The following SVEP1 variants were observed in gnomAD, a reference collection of about 807,000 sequenced individuals.
SVEP1 encodes the protein sushi, von Willebrand factor type A, EGF and pentraxin domain containing 1, also known as sushi, von Willebrand factor type A, EGF and pentraxin domain-containing protein 1.
In SVEP1, 164 loss-of-function variants were observed where a neutral mutation model predicts 367.3. The ratio of observed to expected loss-of-function variants is 0.45; its 90% CI spans 0.39 to 0.51. The LOEUF (loss-of-function observed/expected upper bound fraction) is 0.51. Ranked by LOEUF, SVEP1 falls within the 20% of genes least tolerant of loss-of-function variation. The pLI, the probability that SVEP1 is intolerant of heterozygous loss-of-function variation, is 0.00. For missense variants in SVEP1, 4,117 were observed against 4,425.3 expected (o/e 0.93, Z 1.98); for synonymous variants, 1,666 against 1,611.6 (o/e 1.03, Z -0.81).
chr9:110,461,144 A>C (rs1343265066), intron 18 of SVEP1, among the ~76,000 whole-genome samples: 2 of 152,158 alleles, frequency 1.3e-5, no homozygotes, highest in East Asian at 1.9e-4. Context: ...TAACGAGTGG[A>C]ATATTAACAA....
At chr9:110,410,603 G>A (rs548804728) in intron 37 of SVEP1, among the ~76,000 whole-genome samples, 1 of 152,300 alleles carries the variant, frequency 6.6e-6, no homozygotes, top group South Asian at 2.1e-4. Context: ...TTGCCACAAA[G>A]CACTTGAAAT....
chr9:110,529,477 T>G (rs1185645053), intron 3 of SVEP1, among the ~76,000 whole-genome samples: 1 of 152,162 alleles, frequency 6.6e-6, no homozygotes, highest in African/African-American at 2.4e-5. Flanking sequence ...CTTATATTGA[T>G]TCTTCCAATT....
At chr9:110,563,379 C>T (rs1564177428) in intron 1 of SVEP1, among the ~76,000 whole-genome samples, 1 of 151,788 alleles carries the variant, frequency 6.6e-6, no homozygotes, top group Non-Finnish European at 1.5e-5. Flanking sequence ...TTTATCTAAG[C>T]TATTAATTTG....
chr9:110,517,281 C>T (rs1165523033), intron 3 of SVEP1, among the ~76,000 whole-genome samples: 3 of 151,888 alleles, frequency 2.0e-5, no homozygotes, highest in African/African-American at 4.8e-5. Flanking sequence ...GGCAACATAG[C>T]TACACCCATC....
chr9:110,394,800 G>GA (rs1229060967), intron 40 of SVEP1, among the ~76,000 whole-genome samples: 2 of 152,058 alleles, frequency 1.3e-5, no homozygotes, highest in African/African-American at 4.8e-5. Flanking sequence ...GAAGTTTAGA[G>GA]AAAAAAGAAT....
At chr9:110,386,190 G>T in intron 42 of SVEP1, 116 bp from the exon 43 acceptor site, 2 of 1,134,466 alleles carry the variant, frequency 1.8e-6, no homozygotes, top group Non-Finnish European at 2.4e-6. Context: ...ATCATATAAG[G>T]TTTAAAAATA....
At position 110,471,348 on chromosome 9, in the gene SVEP1, C is replaced by T. The variant is rs373461136; in HGVS notation, c.2998+16G>A. ...AGTATGCACCAAATATTTTTGATCA[C>T]AGGGAACAGTCTTACCACACATACG... is the stretch of plus-strand genomic sequence containing the variant. On this transcript the variant is annotated intron_variant, in intron 16 of 47. Transcript: ENST00000374469. The T allele has an allele frequency of 6.8e-6, 11 of 1,607,140 alleles. No homozygotes were observed. Among genetic ancestry groups the T allele is most frequent in the Non-Finnish European group, 9.4e-6 (11 of 1,175,358 alleles).
At chr9:110,536,104 T>C (rs1830075729) in intron 3 of SVEP1, among the ~76,000 whole-genome samples, 1 of 152,130 alleles carries the variant, frequency 6.6e-6, no homozygotes, top group Non-Finnish European at 1.5e-5. Context: ...CAGATGGCTC[T>C]TATTAGTTTG....
intron 1 of SVEP1, among the ~76,000 whole-genome samples, chr9:110,569,246 C>A (rs535994381): frequency 6.6e-6 from 1 of 151,970 alleles, no homozygotes; most frequent in Non-Finnish European, 1.5e-5. Context: ...CACCTGAGGT[C>A]GGGAGTTTGA....
At chr9:110,559,408 T>C (rs1251381982) in intron 1 of SVEP1, among the ~76,000 whole-genome samples, 1 of 152,090 alleles carries the variant, frequency 6.6e-6, no homozygotes, top group Non-Finnish European at 1.5e-5. Context: ...CAGTTGAGCA[T>C]TTTTGACCAA....
intron 18 of SVEP1, among the ~76,000 whole-genome samples, chr9:110,460,589 C>A (rs1305450359): frequency 1.3e-5 from 2 of 152,086 alleles, no homozygotes; most frequent in Non-Finnish European, 2.9e-5. Context: ...ACCGTCTCTA[C>A]TAAAAGTACA....
At chr9:110,397,338 G>A (rs367995293) in intron 40 of SVEP1, among the ~76,000 whole-genome samples, 9 of 152,314 alleles carry the variant, frequency 5.9e-5, no homozygotes, top group East Asian at 3.9e-4. Context: ...TTGATGGGAC[G>A]TATCTCAAAA....
intron 47 of SVEP1, among the ~76,000 whole-genome samples, chr9:110,367,708 C>CA (rs1396825823): frequency 6.6e-6 from 1 of 152,092 alleles, no homozygotes; most frequent in Non-Finnish European, 1.5e-5. Context: ...CTGGACCAAT[C>CA]AGAGTCCTGG....
intron 37 of SVEP1, 132 bp downstream of exon 37, chr9:110,410,931 G>A (rs1001510423): frequency 1.5e-6 from 1 of 676,996 alleles, no homozygotes; most frequent in Non-Finnish European, 2.4e-6. Context: ...CTTTGTTAGT[G>A]ATAATAGTAA....
intron 8 of SVEP1, among the ~76,000 whole-genome samples, chr9:110,493,745 T>C (rs79038826): frequency 0.086 from 12,988 of 151,588 alleles, 877 homozygotes; most frequent in African/African-American, 0.19. Flanking sequence ...AAACAAACAA[T>C]CAAAAAGCAA....
In SVEP1 at chr9:110,407,464, G is replaced by A. The variant is rs757716419; in HGVS notation, c.8136C>T (p.Cys2712=). Residue 2712 remains cysteine, a synonymous_variant, in exon 38 of 48, where the codon TGC becomes TGT. Transcript: ENST00000374469. The part of the protein sequence containing the change: ...DGTWNGSAPS[C]ISIECDLPTA... Reference sequence around the variant, plus strand: ...TAGGCAAGTCACATTCAATTGAAATGCAGGATGGTGCACTGCCATTCCAAG... The same window carrying A: ...TAGGCAAGTCACATTCAATTGAAATACAGGATGGTGCACTGCCATTCCAAG... 2.2e-5 allele frequency: 36 copies of A among 1,614,036 alleles called. No individual in the cohort carries two copies. The highest frequency in any genetic ancestry group is 3.1e-5 in the Non-Finnish European group (36 of 1,179,910).
intron 22 of SVEP1, among the ~76,000 whole-genome samples, chr9:110,455,384 A>G (rs527399404): frequency 6.6e-6 from 1 of 152,362 alleles, no homozygotes; most frequent in African/African-American, 2.4e-5. Flanking sequence ...ACATACTGCC[A>G]TATTGATATC....
Position 110,450,052 on chromosome 9 carries a change from C to A in SVEP1, c.4103+7G>T. On this transcript the variant is annotated splice_region_variant and intron_variant, in intron 24 of 47. Transcript: ENST00000374469. ...AACAGTGAAAAGAATCAGACTTAGC[C>A]TTTTACCTGAAGCTATTGGCACCGT... The A allele has an allele frequency of 6.2e-7, 1 of 1,613,682 alleles. No individual in the cohort carries two copies. Among genetic ancestry groups the A allele is most frequent in the Non-Finnish European group, 8.5e-7 (1 of 1,179,718 alleles).
In SVEP1 at chr9:110,561,507, T is replaced by C. The variant is rs188614407; in HGVS notation, c.532-11403A>G. ...ATTGCCTTAATTTGTACTAGCTATA[T>C]GTCCACCATGCAGAATAAACTAATA... On this transcript the variant is annotated intron_variant, in intron 1 of 47. Coordinates refer to ENST00000374469, the MANE Select transcript of SVEP1 (RefSeq NM_153366.4). 7.9e-5 allele frequency among the ~76,000 whole-genome samples: 12 copies of C among 152,322 alleles called. No homozygotes were observed. In the East Asian group the frequency reaches 2.3e-3, roughly 29 times the overall value.
Sources: gnomAD v4.1 joint callset for allele counts (sites outside exome capture counted in the v4.1 genomes callset) on GRCh38, gnomAD v4.1.1 for gene constraint, MANE v1.5 for transcripts, NCBI Gene and HGNC (gene_info 2026-07-23, HGNC 2026-07-21) for gene names.